Variants in DNMT3A observed in about 807,000 individuals in gnomAD.
DNMT3A encodes the protein DNA (cytosine-5)-methyltransferase 3A.
A neutral mutation model predicts 117.6 loss-of-function variants in DNMT3A; 267 were observed. That is an observed-to-expected ratio of 2.27 (90% CI 2.05 to 2.51). The LOEUF (loss-of-function observed/expected upper bound fraction) is 2.51, where lower values mean the gene tolerates loss of function less well. Among genes scored for constraint, DNMT3A ranks in the 30% most tolerant of loss-of-function variants. The probability of loss-of-function intolerance (pLI) is 0.00; values close to 1 mark genes in which losing one functional copy is unlikely to be tolerated. For synonymous variants in DNMT3A, 432 were observed against 474.8 expected (o/e 0.91, Z 1.17); for missense variants, 1,029 against 1,260.2 (o/e 0.82, Z 2.78).
In DNMT3A at chr2:25,339,153, G is replaced by A. The variant is rs534803464; in HGVS notation, c.-178+2673C>T. Among the ~76,000 whole-genome samples, 23 of 151,982 alleles carry A rather than the reference G, an allele frequency of 1.5e-4. No homozygotes were observed. The South Asian group carries it at 4.0e-3, about 26-fold the overall frequency. ...CCTTCCCCTATTACTGCCATGTGCC[G>A]AAAAACAGACCACCCTGTCCCCATT... On this transcript the variant is annotated intron_variant, in intron 1 of 22. Transcript: ENST00000321117. This position sits in a 1 kb window ranked among gnomAD's most constrained non-coding sequence, Gnocchi z 4.9.
At chr2:25,261,876 C>T (rs765744068) in intron 6 of DNMT3A, among the ~76,000 whole-genome samples, 1 of 151,922 alleles carries the variant, frequency 6.6e-6, no homozygotes, top group Non-Finnish European at 1.5e-5. Flanking sequence ...TGAGGACCAC[C>T]CTGGAATCTG....
In DNMT3A at chr2:25,311,932, G is replaced by A. The variant is rs973703797; in HGVS notation, c.72+1981C>T. ...ATAATGCAGATCCTGACCTGCTCCC[G>A]TCCATTGGTGGTGGCCTGGGGCTCC... On this transcript the variant is annotated intron_variant, in intron 2 of 22. Transcript: ENST00000321117. This position sits in a 1 kb window ranked among gnomAD's most constrained non-coding sequence, Gnocchi z 5.2. Among the ~76,000 whole-genome samples the A allele has an allele frequency of 1.4e-4, 22 of 152,222 alleles. No individual in the cohort carries two copies. Among genetic ancestry groups the A allele is most frequent in the Admixed American group, 2.6e-4 (4 of 15,284 alleles).
intron 1 of DNMT3A, among the ~76,000 whole-genome samples, chr2:25,321,522 C>T (rs2034596324): frequency 6.6e-6 from 1 of 152,214 alleles, no homozygotes; most frequent in East Asian, 1.9e-4. Context: ...GTCCCTTTTG[C>T]CATGTAAGGT....
chr2:25,319,683 G>A (rs1042607986), intron 1 of DNMT3A, among the ~76,000 whole-genome samples: 4 of 151,766 alleles, frequency 2.6e-5, no homozygotes, highest in Non-Finnish European at 5.9e-5. Context: ...CTGTCGAACT[G>A]TCTTTTTACC....
chr2:25,295,671 T>C (rs1197224325), intron 3 of DNMT3A, among the ~76,000 whole-genome samples: 3 of 152,242 alleles, frequency 2.0e-5, no homozygotes, highest in East Asian at 1.9e-4. Flanking sequence ...AAGAGCACCA[T>C]AGGCTTTGCA....
At chr2:25,314,808 C>A (rs977534981) in intron 1 of DNMT3A, 2 of 671,140 alleles carry the variant, frequency 3.0e-6, no homozygotes, top group Non-Finnish European at 3.7e-6. Flanking sequence ...CTCTCCCCCA[C>A]CCCATGAACC....
Position 25,322,883 on chromosome 2 carries a change from C to T in DNMT3A, c.-177-8722G>A, listed in dbSNP as rs189988221. Among the ~76,000 whole-genome samples the T allele has an allele frequency of 3.3e-3, 502 of 152,152 alleles. 1 individual carries two copies. The highest frequency in any genetic ancestry group is 4.5e-3 in the Non-Finnish European group (307 of 68,002). On this transcript the variant is annotated intron_variant, in intron 1 of 22. Coordinates refer to ENST00000321117, the MANE Select transcript of DNMT3A (RefSeq NM_022552.5). The stretch of plus-strand genomic sequence containing the variant: ...TCCCAATATTCTCACCCTAAGGGCC[C>T]CTTCTTCTCCGTCTCAAGTTCTCTG...
Position 25,237,659 on chromosome 2 carries a change from G to A in DNMT3A, c.2409-654C>T, listed in dbSNP as rs1485994994. Reference sequence around the variant, plus strand: ...AGGTGCCTGTAATCCCAGCTACTCGGGAGGCTGAGGCAGGAGAATCGCTTG... The same window carrying A: ...AGGTGCCTGTAATCCCAGCTACTCGAGAGGCTGAGGCAGGAGAATCGCTTG... On this transcript the variant is annotated intron_variant, in intron 20 of 22. Coordinates refer to ENST00000321117, the MANE Select transcript of DNMT3A (RefSeq NM_022552.5). This position sits in a 1 kb window ranked among gnomAD's most constrained non-coding sequence, Gnocchi z 5.4. Among the ~76,000 whole-genome samples, 1 of 152,072 alleles carries A rather than the reference G, an allele frequency of 6.6e-6. No individual in the cohort carries two copies. Among genetic ancestry groups the A allele is most frequent in the Non-Finnish European group, 1.5e-5 (1 of 68,008 alleles).
chr2:25,279,698 T>A (rs1176396221), intron 4 of DNMT3A, among the ~76,000 whole-genome samples: 1 of 151,730 alleles, frequency 6.6e-6, no homozygotes, highest in Non-Finnish European at 1.5e-5. Flanking sequence ...TTTTTTTGTA[T>A]TTTTTTGAGA....
Position 25,282,819 on chromosome 2 carries a change from C to T in DNMT3A, c.178-108G>A. 7.5e-7 allele frequency: 1 copy of T among 1,338,644 alleles called. No individual in the cohort carries two copies. The highest frequency in any genetic ancestry group is 1.0e-6 in the Non-Finnish European group (1 of 1,001,824). The allele number at this position is 1,338,644 out of a possible 1,614,324, so 82.9% of individuals were successfully genotyped here. A position where few individuals can be genotyped will look rare whatever the true frequency, so the allele number is the denominator to read the frequency against. On this transcript the variant is annotated intron_variant, in intron 3 of 22. Coordinates refer to ENST00000321117, the MANE Select transcript of DNMT3A (RefSeq NM_022552.5). The surrounding 1 kb of genome is among the most constrained non-coding windows in gnomAD (Gnocchi z 5.2). The stretch of plus-strand genomic sequence containing the variant: ...CTAGAGAATGTTATGCACTTTCTGT[C>T]CAGAAACTGTGTTCATATAAACCTT...
intron 3 of DNMT3A, among the ~76,000 whole-genome samples, chr2:25,292,331 C>T (rs1048264698): frequency 2.0e-5 from 3 of 150,902 alleles, no homozygotes; most frequent in Non-Finnish European, 4.4e-5. Flanking sequence ...GCCTGGGCAA[C>T]AGAGTGAGAA....
chr2:25,283,723 T>C (rs2149381356), intron 3 of DNMT3A, among the ~76,000 whole-genome samples: 1 of 152,338 alleles, frequency 6.6e-6, no homozygotes, highest in Admixed American at 6.5e-5. Context: ...AGGGAAATCA[T>C]TTCTTTATCC....
At chr2:25,261,703 G>T (rs1676629743) in intron 6 of DNMT3A, among the ~76,000 whole-genome samples, 1 of 152,038 alleles carries the variant, frequency 6.6e-6, no homozygotes, top group Admixed American at 6.6e-5. Flanking sequence ...GGGTTCAGTA[G>T]TCCTCTAACT....
chr2:25,238,923 A>G (rs1673657040), intron 20 of DNMT3A, among the ~76,000 whole-genome samples: 1 of 152,230 alleles, frequency 6.6e-6, no homozygotes, highest in African/African-American at 2.4e-5. Context: ...CTGCTTTAAG[A>G]CCACTAGTTG....
In DNMT3A at chr2:25,341,829, A is replaced by G. The variant is rs997115429; in HGVS notation, c.-181T>C. 6 of 977,978 alleles carry G rather than the reference A, an allele frequency of 6.1e-6. No individual in the cohort carries two copies. In the African/African-American group the frequency reaches 1.1e-4, roughly 18 times the overall value. The allele number at this position is 977,978 out of a possible 1,614,324, so 60.6% of individuals were successfully genotyped here. ...CGCCAGCAGCGGCGCTCATTACCGT[A>G]TGGCCGGTGGGGTCGGGCCGGCCCG... On this transcript the variant is annotated 5_prime_UTR_variant, in exon 1 of 23. Transcript: ENST00000321117.
chr2:25,266,766 C>A (rs2030387943), intron 6 of DNMT3A, among the ~76,000 whole-genome samples: 1 of 152,164 alleles, frequency 6.6e-6, no homozygotes, highest in South Asian at 2.1e-4. Flanking sequence ...ATTTTCCCAC[C>A]CATTTGACTA....
intron 4 of DNMT3A, 71 bp from the exon 5 acceptor site, chr2:25,275,614 A>G (rs914632652): frequency 1.3e-6 from 2 of 1,506,230 alleles, no homozygotes; most frequent in African/African-American, 2.9e-5. Flanking sequence ...CACAGGCCCC[A>G]CCTTGTGCCT....
intron 3 of DNMT3A, among the ~76,000 whole-genome samples, chr2:25,289,918 C>T (rs775577350): frequency 5.9e-5 from 9 of 152,238 alleles, no homozygotes; most frequent in African/African-American, 1.2e-4. Flanking sequence ...CAAAGCCTTG[C>T]GTCCCAGGGT....
intron 6 of DNMT3A, chr2:25,249,856 A>G (rs1675298491): frequency 9.6e-7 from 1 of 1,040,906 alleles, no homozygotes; most frequent in Non-Finnish European, 1.5e-6. Context: ...GAGGGGAGAA[A>G]ACCCCATTTT....
Sources: gnomAD v4.1 joint callset for allele counts (sites outside exome capture counted in the v4.1 genomes callset) on GRCh38, gnomAD v4.1.1 for gene constraint, Gnocchi (gnomAD v3.1) non-coding constraint, MANE v1.5 for transcripts, NCBI Gene and HGNC (gene_info 2026-07-23, HGNC 2026-07-21) for gene names.